The following NYAP2 variants were observed in gnomAD, a reference collection of about 807,000 sequenced individuals.
The protein encoded by NYAP2 is neuronal tyrosine-phosphorylated phosphoinositide-3-kinase adaptor 2, also known as neuronal tyrosine-phosphorylated phosphoinositide-3-kinase adapter 2.
In NYAP2, 23 loss-of-function variants were observed where a neutral mutation model predicts 50.4. That is an observed-to-expected ratio of 0.46 (90% CI 0.33 to 0.65). NYAP2 has a LOEUF of 0.65. Among genes scored for constraint, NYAP2 ranks in the 30% least tolerant of loss-of-function variants. The pLI is 0.02. For missense variants in NYAP2, 885 were observed against 861.0 expected, an observed-to-expected ratio of 1.03 and a Z score of -0.35; for synonymous variants, 394 against 365.2, an observed-to-expected ratio of 1.08 and a Z score of -0.90.
intron 5 of NYAP2, among the ~76,000 whole-genome samples, chr2:225,619,472 G>A (rs1294413043): frequency 6.6e-6 from 1 of 152,210 alleles, no homozygotes; most frequent in Non-Finnish European, 1.5e-5. Context: ...TTCAGTACTC[G>A]TTTGTTACTG....
At chr2:225,403,193 A>T (rs1225924515) in intron 2 of NYAP2, among the ~76,000 whole-genome samples, 3 of 152,008 alleles carry the variant, frequency 2.0e-5, no homozygotes, top group Non-Finnish European at 4.4e-5. Context: ...CTCAAAGAAG[A>T]TGCAATGATT....
intron 4 of NYAP2, among the ~76,000 whole-genome samples, chr2:225,574,410 C>T (rs1222725339): frequency 1.3e-5 from 2 of 152,130 alleles, no homozygotes; most frequent in Non-Finnish European, 2.9e-5. Context: ...TTGATAAGGG[C>T]TCAATTTTCC....
chr2:225,462,346 G>T (rs1304119811), intron 3 of NYAP2, among the ~76,000 whole-genome samples: 1 of 151,980 alleles, frequency 6.6e-6, no homozygotes, highest in Non-Finnish European at 1.5e-5. Flanking sequence ...CTTTCATTTT[G>T]CACTTTCTTT....
intron 3 of NYAP2, among the ~76,000 whole-genome samples, chr2:225,421,922 A>T (rs2106127422): frequency 6.6e-6 from 1 of 152,290 alleles, no homozygotes; most frequent in East Asian, 1.9e-4. Flanking sequence ...GAAATCAATT[A>T]TTTCAAATAT....
chr2:225,655,689 C>A (rs1038375446), downstream of NYAP2, among the ~76,000 whole-genome samples: 4 of 152,072 alleles, frequency 2.6e-5, no homozygotes, highest in Non-Finnish European at 4.4e-5. Context: ...GGAAACAGTG[C>A]CATCTATACT....
chr2:225,588,765 G>C (rs910981602), intron 5 of NYAP2, among the ~76,000 whole-genome samples: 3 of 152,144 alleles, frequency 2.0e-5, no homozygotes, highest in African/African-American at 7.2e-5. Context: ...CCTGCCACAG[G>C]CTAATGCAAA....
At chr2:225,570,087 G>C (rs1692039912) in intron 4 of NYAP2, among the ~76,000 whole-genome samples, 1 of 152,202 alleles carries the variant, frequency 6.6e-6, no homozygotes, top group African/African-American at 2.4e-5. Flanking sequence ...AACAGGAGGA[G>C]AGTGATTTGG....
At chr2:225,436,263 C>T (rs1266213297) in intron 3 of NYAP2, among the ~76,000 whole-genome samples, 1 of 152,152 alleles carries the variant, frequency 6.6e-6, no homozygotes, top group African/African-American at 2.4e-5. Flanking sequence ...TACCACAAAC[C>T]AATTGGCTTA....
At chr2:225,473,891 A>G (rs1421916371) in intron 3 of NYAP2, among the ~76,000 whole-genome samples, 2 of 152,168 alleles carry the variant, frequency 1.3e-5, no homozygotes, top group Non-Finnish European at 2.9e-5. Flanking sequence ...GCCCATGCCT[A>G]TGTCCTGAAT....
At chr2:225,696,377 T>G in the NYAP2 span, among the ~76,000 whole-genome samples, 1 of 151,948 alleles carries the variant, frequency 6.6e-6, no homozygotes, top group African/African-American at 2.4e-5. Context: ...TCATCAGTGT[T>G]AGAATAATAA....
chr2:225,579,036 GCACACACACGCGCGTGCACA>G (rs1160073667), intron 4 of NYAP2, among the ~76,000 whole-genome samples: 1 of 151,640 alleles, frequency 6.6e-6, no homozygotes, highest in Non-Finnish European at 1.5e-5. Flanking sequence ...GCACGTGCAC[GCACACACACGCGCGTGCACA>G]CACACACAGA....
chr2:225,658,322 C>T (rs1486939019), downstream of NYAP2, among the ~76,000 whole-genome samples: 1 of 152,166 alleles, frequency 6.6e-6, no homozygotes, highest in Admixed American at 6.6e-5. Context: ...GAACACCCCC[C>T]TAAGTTCACA....
chr2:225,692,944 A>G, the NYAP2 span, among the ~76,000 whole-genome samples: 2 of 152,034 alleles, frequency 1.3e-5, no homozygotes, highest in Admixed American at 1.3e-4. Context: ...ATTTTAAAGT[A>G]GTGTTTTTAA....
chr2:225,564,607 C>T (rs965759256), intron 4 of NYAP2, among the ~76,000 whole-genome samples: 3 of 151,702 alleles, frequency 2.0e-5, no homozygotes, highest in Non-Finnish European at 4.4e-5. Context: ...CTTTTCCCAC[C>T]TAACTCTTCA....
In NYAP2 at chr2:225,644,658, A is replaced by G. The variant is rs1459000688; in HGVS notation, c.1829-6774A>G. Among the ~76,000 whole-genome samples, 4 of 147,156 alleles carry G rather than the reference A, an allele frequency of 2.7e-5. No individual in the cohort carries two copies. In the South Asian group the frequency reaches 9.1e-4, roughly 34 times the overall value. ...GGGATCCAGTTTCAGCTTTCTACATATGGCTAGCCAGTTTTCCCAGCACCA... is the reference window on the plus strand; with the variant it reads ...GGGATCCAGTTTCAGCTTTCTACATGTGGCTAGCCAGTTTTCCCAGCACCA... On this transcript the variant is annotated intron_variant, in intron 6 of 6. Transcript: ENST00000636099.
At chr2:225,490,678 C>T (rs1690388365) in intron 3 of NYAP2, among the ~76,000 whole-genome samples, 1 of 152,184 alleles carries the variant, frequency 6.6e-6, no homozygotes. Flanking sequence ...GGAGCCTCTG[C>T]AGGGCTGACT....
chr2:225,663,989 C>T, the NYAP2 span, among the ~76,000 whole-genome samples: 3 of 152,132 alleles, frequency 2.0e-5, no homozygotes, highest in Admixed American at 6.6e-5. Context: ...CAAGTGTGCT[C>T]TCCCATCCAC....
chr2:225,576,779 G>T (rs1200781760), intron 4 of NYAP2, among the ~76,000 whole-genome samples: 1 of 152,144 alleles, frequency 6.6e-6, no homozygotes, highest in Non-Finnish European at 1.5e-5. Context: ...GTTTCAAAGG[G>T]TGTGGAATTA....
intron 5 of NYAP2, among the ~76,000 whole-genome samples, chr2:225,584,879 A>G (rs1692362684): frequency 6.6e-6 from 1 of 152,230 alleles, no homozygotes; most frequent in Admixed American, 6.5e-5. Flanking sequence ...ACTAGGAACA[A>G]TCTATTTCTA....
Sources: allele counts gnomAD v4.1 joint callset (sites outside exome capture counted in the v4.1 genomes callset), GRCh38; gene constraint gnomAD v4.1.1; transcripts MANE v1.5; gene names NCBI Gene and HGNC (gene_info 2026-07-23, HGNC 2026-07-21).